The following ADGRG4 variants were observed in gnomAD, a reference collection of about 807,000 sequenced individuals.
The protein encoded by ADGRG4 is G protein-coupled receptor 112.
Under a neutral mutation model 126.2 loss-of-function variants are expected in ADGRG4, and 122 were observed. The ratio of observed to expected loss-of-function variants is 0.97; its 90% CI spans 0.83 to 1.12. ADGRG4 has a LOEUF of 1.12. ADGRG4 is among the 50% of genes most tolerant of loss of function. The probability of loss-of-function intolerance (pLI) is 0.00; values close to 1 mark genes in which losing one functional copy is unlikely to be tolerated. For missense variants in ADGRG4, 2,481 were observed against 2,251.8 expected, an observed-to-expected ratio of 1.10 and a Z score of -2.06; for synonymous variants, 943 against 838.7, an observed-to-expected ratio of 1.12 and a Z score of -2.15.
At chrX:136,409,417 C>T (rs913890417) in intron 23 of ADGRG4, among the ~76,000 whole-genome samples, 4 of 111,302 alleles carry the variant, frequency 3.6e-5, no homozygotes, top group African/African-American at 6.5e-5. Context: ...CCTTTTAAGT[C>T]GGAAAACTAA....
At chrX:136,312,375 C>T (rs2074778014) in intron 4 of ADGRG4, among the ~76,000 whole-genome samples, 1 of 111,828 alleles carries the variant, frequency 8.9e-6, no homozygotes, top group Admixed American at 9.5e-5. Context: ...GCCTGTAATC[C>T]CAGCACTTTG....
rs755307036 is a variant in ADGRG4 at position 136,350,030 on chromosome X, C to A, written c.6324C>A (p.Ser2108=). 8.3e-7 allele frequency: 1 copy of A among 1,210,928 alleles called. No homozygotes were observed. Among genetic ancestry groups the A allele is most frequent in the Non-Finnish European group, 1.1e-6 (1 of 894,897 alleles). Residue 2108 remains serine (S), a synonymous_variant, in exon 6 of 26, where the codon TCC becomes TCA. Transcript: ENST00000394143. ...IVYISTHPEA[S]SRTTITANPR... is the part of the protein sequence containing the mutation. The stretch of plus-strand genomic sequence containing the variant: ...ACATTTCCACACACCCTGAGGCATC[C>A]TCCAGAACCACAATAACTGCCAACC...
chrX:136,328,375 A>G (rs965194958), intron 5 of ADGRG4, among the ~76,000 whole-genome samples: 4 of 112,186 alleles, frequency 3.6e-5, no homozygotes, highest in African/African-American at 1.3e-4. Context: ...TCCTCTCAAG[A>G]TATGGCCAGC....
At chrX:136,399,634 T>TAGTTGAGAC (rs957305895) in intron 20 of ADGRG4, among the ~76,000 whole-genome samples, 3 of 110,318 alleles carry the variant, frequency 2.7e-5, no homozygotes, top group Non-Finnish European at 3.8e-5. Context: ...CTCAACTGCG[T>TAGTTGAGAC]AGTTGAGAGA....
At position 136,387,861 on chromosome X, in the gene ADGRG4, C is replaced by T; in HGVS notation, c.7898C>T (p.Thr2633Ile). ...QTILFNFFGQTSLFKTKNVTK... is the reference protein window; with the variant it reads ...QTILFNFFGQISLFKTKNVTK... ...ATCTTGTTTAATTTCTTTGGCCAAA[C>T]TTCACTCTTTAAGGTAAATTCTTGC... Residue 2633 changes from threonine to isoleucine, a missense_variant, in exon 16 of 26, where the codon ACT (threonine) becomes ATT (isoleucine). Physicochemically the swap from Thr to Ile is moderately conservative, Grantham distance 89. Transcript: ENST00000394143. The T allele has an allele frequency of 2.5e-6, 3 of 1,207,828 alleles. No individual in the cohort carries two copies. Among genetic ancestry groups the T allele is most frequent in the Non-Finnish European group, 2.2e-6 (2 of 892,890 alleles).
At chrX:136,405,621 T>A in intron 22 of ADGRG4, 71 bp from the exon 23 acceptor site, 1 of 842,175 alleles carries the variant, frequency 1.2e-6, no homozygotes, top group East Asian at 3.2e-5. Flanking sequence ...ATTGACTAGA[T>A]GATCTTCAGT....
At chrX:136,318,542 A>G (rs1377305161) in intron 4 of ADGRG4, among the ~76,000 whole-genome samples, 4 of 112,205 alleles carry the variant, frequency 3.6e-5, no homozygotes, top group Admixed American at 9.5e-5. Context: ...ATTTTATGTT[A>G]TATGAAATTT....
intron 11 of ADGRG4, among the ~76,000 whole-genome samples, chrX:136,360,766 T>G: frequency 9.2e-6 from 1 of 109,117 alleles, no homozygotes; most frequent in Non-Finnish European, 1.9e-5. Context: ...AAAACAGAGC[T>G]CCCCTGTCTA....
Position 136,328,135 on chromosome X carries a change from G to A in ADGRG4, c.685+4743G>A, listed in dbSNP as rs745838148. ...TAAAAATTTAATAATATTTTTGGAG[G>A]CATTTTCATATCAGAAAATATAGAG... On this transcript the variant is annotated intron_variant, in intron 5 of 25. Transcript: ENST00000394143. Among the ~76,000 whole-genome samples, 12 of 110,992 alleles carry A rather than the reference G, an allele frequency of 1.1e-4. No individual in the cohort carries two copies. The South Asian group carries it at 2.7e-3, about 25-fold the overall frequency.
At chrX:136,410,763 A>C (rs540913731) in intron 23 of ADGRG4, among the ~76,000 whole-genome samples, 1 of 112,026 alleles carries the variant, frequency 8.9e-6, no homozygotes, top group African/African-American at 3.2e-5. Context: ...AAATGACATA[A>C]ATATGAAAAG....
intron 23 of ADGRG4, 140 bp downstream of exon 23, chrX:136,406,112 G>A: frequency 1.5e-6 from 1 of 649,107 alleles, no homozygotes; most frequent in Non-Finnish European, 2.3e-6. Context: ...ACTCTCTCTT[G>A]CTCAGTGGTA....
chrX:136,354,678 A>T (rs770529940), intron 8 of ADGRG4, among the ~76,000 whole-genome samples: 1 of 111,222 alleles, frequency 9.0e-6, no homozygotes, highest in African/African-American at 3.3e-5. Flanking sequence ...GGCCTCCAGA[A>T]CTTCTGACTA....
intron 15 of ADGRG4, among the ~76,000 whole-genome samples, chrX:136,377,167 CTTTTTTTT>C (rs1184343263): frequency 6.2e-4 from 30 of 48,637 alleles, no homozygotes; most frequent in Non-Finnish European, 7.1e-4. Flanking sequence ...GTTTTCTTTC[CTTTTTTTT>C]TTTTTTTTTT....
rs1389195821 is a variant in ADGRG4 at position 136,346,096 on chromosome X, C to A, written c.2390C>A (p.Pro797Gln). The A allele has an allele frequency of 8.3e-7, 1 of 1,209,903 alleles. No homozygotes were observed. Among genetic ancestry groups the A allele is most frequent in the Non-Finnish European group, 1.1e-6 (1 of 894,204 alleles). Reference protein sequence around the residue: ...DIISTLACIQPNFSTEESASE... With the variant: ...DIISTLACIQQNFSTEESASE... ...ATATCTACTCTTGCTTGCATTCAAC[C>A]AAATTTTTCTACTGAGGAAAGTGCT... Residue 797 changes from proline to glutamine, a missense_variant, in exon 6 of 26, where the codon CCA becomes CAA. By Grantham distance (76) the Pro-to-Gln change is moderately conservative. Transcript: ENST00000394143.
chrX:136,354,962 T>C (rs1344104633), intron 8 of ADGRG4, among the ~76,000 whole-genome samples: 6 of 111,181 alleles, frequency 5.4e-5, no homozygotes. Context: ...TATGGAAACA[T>C]CATTATGTCA....
intron 15 of ADGRG4, among the ~76,000 whole-genome samples, chrX:136,385,639 TTTTCTTCACGTA>T (rs962449672): frequency 2.7e-5 from 3 of 112,071 alleles, no homozygotes; most frequent in Non-Finnish European, 5.6e-5. Flanking sequence ...GGGTCACATT[TTTTCTTCACGTA>T]TTGAGTAATT....
Position 136,323,199 on chromosome X carries a change from C to G in ADGRG4, c.492C>G (p.Leu164=), listed in dbSNP as rs756975331. 6.6e-6 allele frequency: 8 copies of G among 1,211,649 alleles called. No homozygotes were observed. Among genetic ancestry groups the G allele is most frequent in the Non-Finnish European group, 8.9e-6 (8 of 895,387 alleles). ...PHGTLFLGHF[L]KNESSEVKSM... ...GGACTCTGTTCCTAGGGCACTTTCT[C>G]AAGAATGAGAGCAGCGAGGTTAAAA... The change falls in exon 5 of 26, where the codon CTC becomes CTG. Residue 164 remains leucine (L), a synonymous_variant. Coordinates refer to ENST00000394143, the MANE Select transcript of ADGRG4 (RefSeq NM_153834.4).
chrX:136,317,865 A>T (rs972290783), intron 4 of ADGRG4, among the ~76,000 whole-genome samples: 1 of 112,264 alleles, frequency 8.9e-6, no homozygotes, highest in Non-Finnish European at 1.9e-5. Flanking sequence ...CTCTAGGATG[A>T]CAATAATAAT....
intron 13 of ADGRG4, among the ~76,000 whole-genome samples, chrX:136,370,802 A>G (rs1392558317): frequency 1.8e-5 from 2 of 112,077 alleles, no homozygotes; most frequent in Non-Finnish European, 1.9e-5. Flanking sequence ...TAAAAAGTGA[A>G]GAAAAAAGTG....
Sources: gnomAD v4.1 joint callset for allele counts (sites outside exome capture counted in the v4.1 genomes callset) on GRCh38, gnomAD v4.1.1 for gene constraint, MANE v1.5 for transcripts, NCBI Gene and HGNC (gene_info 2026-07-23, HGNC 2026-07-21) for gene names.